The following HBEGF variants were observed in gnomAD, a reference collection of about 807,000 sequenced individuals.
The protein encoded by HBEGF is heparin binding EGF like growth factor.
HBEGF carries 8 observed loss-of-function variants against 19.5 expected under a neutral mutation model. The ratio of observed to expected loss-of-function variants is 0.41; its 90% CI spans 0.24 to 0.74. The LOEUF (loss-of-function observed/expected upper bound fraction) is 0.74. Ranked by LOEUF, HBEGF falls within the 30% of genes least tolerant of loss-of-function variation. The pLI is 0.32. For missense variants in HBEGF, 207 were observed against 256.9 expected, an observed-to-expected ratio of 0.81 and a Z score of 1.33; for synonymous variants, 97 against 108.9, an observed-to-expected ratio of 0.89 and a Z score of 0.68.
chr5:140,346,476 C>T lies in HBEGF; in HGVS notation c.-148G>A. On this transcript the variant is annotated 5_prime_UTR_variant, in exon 1 of 6. Transcript: ENST00000230990. This position sits in a 1 kb window ranked among gnomAD's most constrained non-coding sequence, Gnocchi z 6.1. ...CCTCTGCGTGCAAGCCTGGCCGGGA[C>T]CCAGGCGCAGCTCGCTCTTCTTGAG... 1.2e-6 allele frequency: 1 copy of T among 853,258 alleles called. No individual in the cohort carries two copies. Among genetic ancestry groups the T allele is most frequent in the South Asian group, 1.5e-5 (1 of 66,738 alleles). The allele number at this position is 853,258 out of a possible 1,614,324, so 52.9% of individuals were successfully genotyped here.
At chr5:140,337,540 G>A (rs1402274153) in intron 3 of HBEGF, among the ~76,000 whole-genome samples, 2 of 152,192 alleles carry the variant, frequency 1.3e-5, no homozygotes, top group East Asian at 3.9e-4. Context: ...TCAGAACAAG[G>A]AATCCCTTCT....
In HBEGF at chr5:140,346,499, G is replaced by C; in HGVS notation, c.-171C>G. On this transcript the variant is annotated 5_prime_UTR_variant, in exon 1 of 6. Transcript: ENST00000230990. The surrounding 1 kb of genome is among the most constrained non-coding windows in gnomAD (Gnocchi z 6.1). ...GACCCAGGCGCAGCTCGCTCTTCTT[G>C]AGTGTCTTGTCTTGCTCACTCAGCC... The C allele has an allele frequency of 2.7e-6, 2 of 739,240 alleles. No homozygotes were observed. The highest frequency in any genetic ancestry group is 1.7e-5 in the South Asian group (1 of 60,424). The allele number at this position is 739,240 out of a possible 1,614,324, so 45.8% of individuals were successfully genotyped here.
chr5:140,338,032 G>A (rs1766253892), intron 3 of HBEGF, among the ~76,000 whole-genome samples: 1 of 152,184 alleles, frequency 6.6e-6, no homozygotes, highest in African/African-American at 2.4e-5. Context: ...GGCACAACTA[G>A]GAAGCAGCAG....
intron 3 of HBEGF, among the ~76,000 whole-genome samples, chr5:140,340,395 C>T (rs1346258154): frequency 6.6e-6 from 1 of 151,498 alleles, no homozygotes; most frequent in African/African-American, 2.4e-5. Context: ...GCCTGGCCAA[C>T]ACGGCAAAAC....
At chr5:140,335,279 G>C (rs1362026510) in intron 4 of HBEGF, 1 of 156,694 alleles carries the variant, frequency 6.4e-6, no homozygotes, top group Non-Finnish European at 1.4e-5. Context: ...AGCTACTCAG[G>C]AGGCTGAGGC....
rs1298588679 is a variant in HBEGF at position 140,346,496 on chromosome 5, C to T, written c.-168G>A. ...CGGGACCCAGGCGCAGCTCGCTCTT[C>T]TTGAGTGTCTTGTCTTGCTCACTCA... is the stretch of plus-strand genomic sequence containing the variant. On this transcript the variant is annotated 5_prime_UTR_variant, in exon 1 of 6. Transcript: ENST00000230990. This position sits in a 1 kb window ranked among gnomAD's most constrained non-coding sequence, Gnocchi z 6.1. The T allele has an allele frequency of 1.1e-5, 8 of 738,544 alleles. No homozygotes were observed. Among genetic ancestry groups the T allele is most frequent in the Admixed American group, 5.2e-5 (2 of 38,796 alleles). 45.7% of individuals were successfully genotyped at this position (738,544 alleles called of 1,614,324 possible).
intron 3 of HBEGF, among the ~76,000 whole-genome samples, chr5:140,339,471 C>A (rs1186361947): frequency 6.6e-6 from 1 of 152,124 alleles, no homozygotes; most frequent in Non-Finnish European, 1.5e-5. Flanking sequence ...CGGCTCACTG[C>A]AAGTTCTGCC....
intron 3 of HBEGF, among the ~76,000 whole-genome samples, chr5:140,342,179 C>T (rs1439997642): frequency 1.3e-5 from 2 of 152,290 alleles, no homozygotes; most frequent in South Asian, 4.1e-4. Context: ...TCCACATTTG[C>T]ACACTTACAT....
Position 140,341,497 on chromosome 5 carries a change from G to C in HBEGF, c.398+1138C>G, listed in dbSNP as rs139071228. 4.6e-4 allele frequency among the ~76,000 whole-genome samples: 70 copies of C among 152,332 alleles called. 1 individual carries two copies. Among genetic ancestry groups the C allele is most frequent in the Middle Eastern group, 6.8e-3 (2 of 294 alleles). ...CCAAGCTCCTGACAAGGATGTTATA[G>C]GAAAGGATGCACAAGTGACTGTGGA... On this transcript the variant is annotated intron_variant, in intron 3 of 5. Transcript: ENST00000230990.
Position 140,346,230 on chromosome 5 carries a change from C to A in HBEGF, c.46+53G>T. On this transcript the variant is annotated intron_variant, in intron 1 of 5. Transcript: ENST00000230990. This position sits in a 1 kb window ranked among gnomAD's most constrained non-coding sequence, Gnocchi z 6.1. ...CTGCGGCGACCTTCCCCCATGCCCCCAGCACAACGCCCCCATCCCCCCGAT... is the reference window on the plus strand; with the variant it reads ...CTGCGGCGACCTTCCCCCATGCCCCAAGCACAACGCCCCCATCCCCCCGAT... 6.4e-7 allele frequency: 1 copy of A among 1,572,206 alleles called. No homozygotes were observed. Among genetic ancestry groups the A allele is most frequent in the Non-Finnish European group, 8.6e-7 (1 of 1,160,558 alleles).
At chr5:140,341,965 C>T (rs4150213) in intron 3 of HBEGF, among the ~76,000 whole-genome samples, 4,125 of 152,264 alleles carry the variant, frequency 0.027, 86 homozygotes, top group Non-Finnish European at 0.043. Flanking sequence ...GTTGCCTGAC[C>T]GGGGGCTGAT....
rs1766404185 is a variant in HBEGF at position 140,346,549 on chromosome 5, C to T, written c.-221G>A. On this transcript the variant is annotated 5_prime_UTR_variant, in exon 1 of 6. Coordinates refer to ENST00000230990, the MANE Select transcript of HBEGF (RefSeq NM_001945.3). The surrounding 1 kb of genome is among the most constrained non-coding windows in gnomAD (Gnocchi z 6.1). ...CCGCCCGCGCGGCCGCCCGACCCCGCGCGCCTAGGTCAGGCCAGCCAGCAG... is the reference window on the plus strand; with the variant it reads ...CCGCCCGCGCGGCCGCCCGACCCCGTGCGCCTAGGTCAGGCCAGCCAGCAG... 4 of 595,976 alleles carry T rather than the reference C, an allele frequency of 6.7e-6. No homozygotes were observed. In the African/African-American group the frequency reaches 7.7e-5, roughly 11 times the overall value. 36.9% of individuals were successfully genotyped at this position (595,976 alleles called of 1,614,324 possible).
intron 4 of HBEGF, 36 bp downstream of exon 4, chr5:140,335,836 T>G: frequency 1.2e-6 from 2 of 1,606,794 alleles, no homozygotes; most frequent in Non-Finnish European, 1.7e-6. Context: ...AGGGAGTGAT[T>G]TGCAGAAACA....
chr5:140,334,772 T>C lies in HBEGF; in HGVS notation c.555-24A>G, dbSNP rs376060280. On this transcript the variant is annotated intron_variant, in intron 4 of 5. Transcript: ENST00000230990. Reference sequence around the variant, plus strand: ...ACCTGAGGAAGATAAGTTTTGTGAATAAGCCCTGCCTGCTATGACAAAGTG... The same window carrying C: ...ACCTGAGGAAGATAAGTTTTGTGAACAAGCCCTGCCTGCTATGACAAAGTG... 1,100 of 1,571,836 alleles carry C rather than the reference T, an allele frequency of 7.0e-4. 4 individuals are homozygous for C. Among genetic ancestry groups the C allele is most frequent in the South Asian group, 2.9e-3 (260 of 90,182 alleles).
rs4150201 is a variant in HBEGF at position 140,345,183 on chromosome 5, G to A, written c.220+728C>T. Among the ~76,000 whole-genome samples, 644 of 152,306 alleles carry A rather than the reference G, an allele frequency of 4.2e-3. 4 individuals are homozygous for A. The highest frequency in any genetic ancestry group is 0.014 in the African/African-American group (599 of 41,562). On this transcript the variant is annotated intron_variant, in intron 2 of 5. Coordinates refer to ENST00000230990, the MANE Select transcript of HBEGF (RefSeq NM_001945.3). The stretch of plus-strand genomic sequence containing the variant: ...ACTCTGGATAATCTCCTCAGGTTTG[G>A]AGGCAGGAGAGCTGGCAGGCTCTGG...
At chr5:140,339,580 AC>A (rs1766277210) in intron 3 of HBEGF, among the ~76,000 whole-genome samples, 1 of 151,902 alleles carries the variant, frequency 6.6e-6, no homozygotes, top group Non-Finnish European at 1.5e-5. Context: ...TTTAGTAGAG[AC>A]GGGGGTTTCT....
intron 4 of HBEGF, among the ~76,000 whole-genome samples, 200 bp downstream of exon 4, chr5:140,335,672 C>T (rs561506626): frequency 6.2e-4 from 94 of 152,218 alleles, no homozygotes; most frequent in African/African-American, 2.0e-3. Context: ...GCTATGGCCT[C>T]GCAAATTTGA....
intron 3 of HBEGF, among the ~76,000 whole-genome samples, chr5:140,337,260 T>C (rs1766243098): frequency 6.6e-6 from 1 of 152,178 alleles, no homozygotes; most frequent in Non-Finnish European, 1.5e-5. Flanking sequence ...TTGATATAAG[T>C]AGGAGCCCTG....
intron 3 of HBEGF, among the ~76,000 whole-genome samples, chr5:140,336,811 CTTTTCT>C (rs1164301253): frequency 8.6e-5 from 13 of 151,300 alleles, no homozygotes; most frequent in African/African-American, 2.9e-4. Flanking sequence ...TGGCAACTGC[CTTTTCT>C]TTTTCTTTTT....
Sources: allele counts gnomAD v4.1 joint callset (sites outside exome capture counted in the v4.1 genomes callset), GRCh38; gene constraint gnomAD v4.1.1; non-coding constraint Gnocchi (gnomAD v3.1); transcripts MANE v1.5; gene names NCBI Gene and HGNC (gene_info 2026-07-23, HGNC 2026-07-21).